MTCL1: variants seen among roughly 807,000 people sequenced by gnomAD.
MTCL1 encodes the protein microtubule crosslinking factor 1.
A neutral mutation model predicts 141.4 loss-of-function variants in MTCL1; 79 were observed. That is an observed-to-expected ratio of 0.56 (90% CI 0.47 to 0.67). The LOEUF is 0.67. MTCL1 is among the 30% of genes least tolerant of loss of function. The pLI, the probability that MTCL1 is intolerant of heterozygous loss-of-function variation, is 0.00. For synonymous variants in MTCL1, 914 were observed against 875.8 expected (o/e 1.04, Z -0.77); for missense variants, 2,177 against 2,113.9 (o/e 1.03, Z -0.59).
chr18:8,786,356 G>C lies in MTCL1; in HGVS notation c.1887+265G>C, dbSNP rs2287500. ...TGTCCACCTCCTGTTTCCGCAGACC[G>C]GGAGCACCTGGAAGTAGGCTGATTG... On this transcript the variant is annotated intron_variant, in intron 7 of 16. Transcript: ENST00000359865. 6.0e-6 allele frequency: 4 copies of C among 670,746 alleles called. No homozygotes were observed. In the East Asian group the frequency reaches 1.2e-4, roughly 20 times the overall value. The allele number at this position is 670,746 out of a possible 1,614,324, so 41.5% of individuals were successfully genotyped here. A position where few individuals can be genotyped will look rare whatever the true frequency, so the allele number is the denominator to read the frequency against.
chr18:8,799,072 G>A (rs1342202171), intron 10 of MTCL1, among the ~76,000 whole-genome samples: 2 of 152,332 alleles, frequency 1.3e-5, no homozygotes, highest in Admixed American at 6.5e-5. Context: ...GGAAGCCTGC[G>A]TTCAGGGCTG....
chr18:8,793,537 G>A (rs2075811280), intron 8 of MTCL1, among the ~76,000 whole-genome samples: 1 of 152,180 alleles, frequency 6.6e-6, no homozygotes, highest in South Asian at 2.1e-4. Context: ...GCCGCAACTT[G>A]AGCTGTGGCC....
rs2077099112 is a variant in MTCL1, at chr18:8,828,621, A to C, written c.4723-287A>C. ...CTAAAGGGTGACTCGGAAGCATAGA[A>C]ACTAGAGGGAGGTCTGTGACTCCTC... On this transcript the variant is annotated intron_variant, in intron 15 of 16. Coordinates refer to ENST00000359865, the Ensembl canonical transcript of MTCL1. This position sits in a 1 kb window ranked among gnomAD's most constrained non-coding sequence, Gnocchi z 5.2. Among the ~76,000 whole-genome samples the C allele has an allele frequency of 6.6e-6, 1 of 152,184 alleles. No individual in the cohort carries two copies. Among genetic ancestry groups the C allele is most frequent in the Non-Finnish European group, 1.5e-5 (1 of 68,040 alleles).
Position 8,796,228 on chromosome 18 carries a change from C to G in MTCL1, c.2011-4C>G. 3.1e-6 allele frequency: 5 copies of G among 1,613,664 alleles called. No individual in the cohort carries two copies. The highest frequency in any genetic ancestry group is 4.2e-6 in the Non-Finnish European group (5 of 1,179,630). ...GTCACACTGTCTCTCTTATTCCATTCAAGATGGAGGAGGAGCACCTCTATG... is the reference window on the plus strand; with the variant it reads ...GTCACACTGTCTCTCTTATTCCATTGAAGATGGAGGAGGAGCACCTCTATG... On this transcript the variant is annotated splice_polypyrimidine_tract_variant and splice_region_variant and intron_variant, in intron 8 of 16. Transcript: ENST00000359865.
intron 4 of MTCL1, among the ~76,000 whole-genome samples, chr18:8,753,271 A>G (rs537780907): frequency 3.9e-5 from 6 of 152,358 alleles, no homozygotes; most frequent in Non-Finnish European, 8.8e-5. Flanking sequence ...TTGTTTACCT[A>G]TGAATCAACT....
In MTCL1 at chr18:8,784,743, C is replaced by T. The variant is rs1283594034; in HGVS notation, c.1631C>T (p.Pro544Leu). The T allele has an allele frequency of 1.9e-6, 3 of 1,614,196 alleles. 1 individual carries two copies. The Admixed American group carries it at 5.0e-5, about 27-fold the overall frequency. ...ATTGGGGATGGCCTATCCCCCTTGC[C>T]CCACCTCACAGAGTCCTCTAGCTTC... Residue 544 changes from proline (P) to leucine (L), a missense_variant, in exon 6 of 17, where the codon CCC (proline) becomes CTC (leucine). By Grantham distance (98) the Pro-to-Leu change is moderately conservative (BLOSUM62 -3). Coordinates refer to ENST00000359865, the Ensembl canonical transcript of MTCL1.
chr18:8,747,046 C>T (rs570275166), intron 4 of MTCL1, among the ~76,000 whole-genome samples: 6 of 152,294 alleles, frequency 3.9e-5, no homozygotes, highest in South Asian at 2.1e-4. Context: ...CTCACCCTTC[C>T]GATGTCCTGT....
At chr18:8,748,056 C>T (rs1485113506) in intron 4 of MTCL1, among the ~76,000 whole-genome samples, 2 of 152,146 alleles carry the variant, frequency 1.3e-5, no homozygotes. Context: ...GACCATACCC[C>T]TCAGAACTGC....
intron 7 of MTCL1, among the ~76,000 whole-genome samples, chr18:8,789,175 A>G (rs1346412408): frequency 6.6e-6 from 1 of 152,232 alleles, no homozygotes; most frequent in Non-Finnish European, 1.5e-5. Flanking sequence ...CCTTCAATCA[A>G]GGAAGCACAC....
chr18:8,819,916 T>C (rs191621222), intron 13 of MTCL1, among the ~76,000 whole-genome samples: 9 of 151,928 alleles, frequency 5.9e-5, no homozygotes, highest in Non-Finnish European at 1.3e-4. Flanking sequence ...CAGCCTCAAC[T>C]TTTCTTGAAA....
intron 12 of MTCL1, among the ~76,000 whole-genome samples, chr18:8,815,409 G>A (rs932632475): frequency 6.6e-6 from 1 of 151,968 alleles, no homozygotes; most frequent in South Asian, 2.1e-4. Flanking sequence ...TCATAGGTGG[G>A]AATTGAACAG....
intron 12 of MTCL1, among the ~76,000 whole-genome samples, chr18:8,817,971 C>T (rs913894876): frequency 2.0e-5 from 3 of 152,128 alleles, no homozygotes; most frequent in Non-Finnish European, 2.9e-5. Context: ...GGAGGGAGGC[C>T]GTGCGCCCTG....
chr18:8,756,020 C>G (rs1362332232), intron 4 of MTCL1, among the ~76,000 whole-genome samples: 2 of 152,106 alleles, frequency 1.3e-5, no homozygotes, highest in Non-Finnish European at 2.9e-5. Context: ...ACCTGTAATC[C>G]CAGCTACTCA....
chr18:8,784,194 C>T (rs747997287), exon 6 of MTCL1: 25 of 1,613,598 alleles, frequency 1.5e-5, no homozygotes, highest in South Asian at 3.3e-5. Flanking sequence ...GAGAACCACG[C>T]GCTGCTGTCC....
intron 4 of MTCL1, among the ~76,000 whole-genome samples, chr18:8,750,822 A>G (rs2096366811): frequency 2.0e-5 from 3 of 152,192 alleles, no homozygotes; most frequent in African/African-American, 7.2e-5. Context: ...ATTACAGGGA[A>G]ATGACTTGCT....
intron 11 of MTCL1, among the ~76,000 whole-genome samples, chr18:8,812,617 G>A (rs1021634630): frequency 2.0e-5 from 3 of 152,132 alleles, no homozygotes; most frequent in African/African-American, 7.2e-5. Flanking sequence ...AAAACTATTA[G>A]GTTCTGTCAC....
chr18:8,752,415 T>C (rs1011434286), intron 4 of MTCL1, among the ~76,000 whole-genome samples: 20 of 152,212 alleles, frequency 1.3e-4, no homozygotes, highest in African/African-American at 4.6e-4. Context: ...TCGAATTTTT[T>C]TTGTGTTATT....
exon 6 of MTCL1, chr18:8,784,402 C>T (rs145456770): frequency 1.6e-4 from 247 of 1,526,526 alleles, no homozygotes; most frequent in Non-Finnish European, 1.9e-4. Flanking sequence ...GCTTCGGGAG[C>T]GGGAAGCCAT....
chr18:8,813,024 G>T, exon 12 of MTCL1: 2 of 1,614,134 alleles, frequency 1.2e-6, no homozygotes, highest in Middle Eastern at 1.6e-4. Context: ...AGGCTCCTCC[G>T]CTGAGAGCAA....
Sources: allele counts gnomAD v4.1 joint callset (sites outside exome capture counted in the v4.1 genomes callset), GRCh38; gene constraint gnomAD v4.1.1; non-coding constraint Gnocchi (gnomAD v3.1); transcripts MANE v1.5; gene names NCBI Gene and HGNC (gene_info 2026-07-23, HGNC 2026-07-21).